Variants in DYNC2H1 observed in about 807,000 individuals in gnomAD.
DYNC2H1 encodes the protein cytoplasmic dynein 2 heavy chain 1.
Under a neutral mutation model 570.0 loss-of-function variants are expected in DYNC2H1, and 410 were observed. The ratio of observed to expected loss-of-function variants is 0.72; its 90% CI spans 0.66 to 0.78. The LOEUF is 0.78. DYNC2H1 is among the 30% of genes least tolerant of loss of function. The probability of loss-of-function intolerance (pLI) is 0.00; values close to 1 mark genes in which losing one functional copy is unlikely to be tolerated. For synonymous variants in DYNC2H1, 1,688 were observed against 1,677.6 expected, an observed-to-expected ratio of 1.01 and a Z score of -0.15; for missense variants, 4,865 against 5,046.4, an observed-to-expected ratio of 0.96 and a Z score of 1.09.
chr11:103,365,466 A>C (rs1483623666), intron 83 of DYNC2H1, among the ~76,000 whole-genome samples: 1 of 152,226 alleles, frequency 6.6e-6, no homozygotes, highest in Non-Finnish European at 1.5e-5. Flanking sequence ...TTGTAACTTT[A>C]ATTCCTATTG....
chr11:103,362,341 T>C (rs1292503811), intron 83 of DYNC2H1, among the ~76,000 whole-genome samples: 3 of 146,000 alleles, frequency 2.1e-5, no homozygotes, highest in African/African-American at 7.5e-5. Flanking sequence ...TTCTTTTTTT[T>C]TTTTTTTTAG....
In DYNC2H1 at chr11:103,174,138, G is replaced by A. The variant is rs199541807; in HGVS notation, c.5642G>A (p.Arg1881Lys). 309 of 1,584,412 alleles carry A rather than the reference G, an allele frequency of 2.0e-4. No homozygotes were observed. The highest frequency in any genetic ancestry group is 2.4e-4 in the Non-Finnish European group (284 of 1,163,752). ...TVLRGSGNLL[R>K]QLNKSGTTQN... Reference sequence around the variant, plus strand: ...CTGAGAGGAAGTGGAAATCTCCTTAGACAGCTAAACAAAAGTGGCACTACA... The same window carrying A: ...CTGAGAGGAAGTGGAAATCTCCTTAAACAGCTAAACAAAAGTGGCACTACA... The change falls in exon 36 of 89, where the codon AGA becomes AAA. Residue 1881 changes from arginine to lysine, a missense_variant. Arg to Lys is a conservative substitution (Grantham distance 26). This residue lies in a region of DYNC2H1 where 292 missense variants were observed against 300.2 expected (regional missense o/e 0.97). Transcript: ENST00000375735.
At chr11:103,272,572 TTAAA>T (rs538001139) in intron 70 of DYNC2H1, among the ~76,000 whole-genome samples, 2 of 152,064 alleles carry the variant, frequency 1.3e-5, no homozygotes, top group East Asian at 1.9e-4. Flanking sequence ...TAAAGTATAA[TTAAA>T]TAAATAAATA....
intron 74 of DYNC2H1, among the ~76,000 whole-genome samples, chr11:103,286,977 G>C (rs575824134): frequency 6.6e-6 from 1 of 152,184 alleles, no homozygotes; most frequent in African/African-American, 2.4e-5. Context: ...AAATTGATTT[G>C]AAAACTTAAA....
intron 78 of DYNC2H1, among the ~76,000 whole-genome samples, chr11:103,308,076 A>T (rs1191835702): frequency 6.6e-6 from 1 of 151,594 alleles, no homozygotes. Context: ...TGCTATCGTA[A>T]CAATTTTTAA....
intron 48 of DYNC2H1, among the ~76,000 whole-genome samples, chr11:103,198,336 G>C (rs1862582052): frequency 6.6e-6 from 1 of 152,164 alleles, no homozygotes; most frequent in Non-Finnish European, 1.5e-5. Flanking sequence ...CTCTGGAGCA[G>C]TGGTTGTCAA....
At chr11:103,443,017 A>G (rs1427969978) in intron 85 of DYNC2H1, among the ~76,000 whole-genome samples, 1 of 151,380 alleles carries the variant, frequency 6.6e-6, no homozygotes, top group African/African-American at 2.4e-5. Context: ...TTGTTTGAAC[A>G]TACGTTATTA....
At chr11:103,322,915 G>T (rs933549012) in intron 81 of DYNC2H1, among the ~76,000 whole-genome samples, 6 of 152,144 alleles carry the variant, frequency 3.9e-5, no homozygotes, top group Non-Finnish European at 8.8e-5. Context: ...ATACCTTGAG[G>T]AAGTTTACAA....
At chr11:103,160,126 A>G (rs1861025882) in intron 28 of DYNC2H1, among the ~76,000 whole-genome samples, 1 of 152,076 alleles carries the variant, frequency 6.6e-6, no homozygotes, top group Non-Finnish European at 1.5e-5. Context: ...TTATTCAACC[A>G]ATTTCTCTAT....
Position 103,171,041 on chromosome 11 carries a change from A to T in DYNC2H1, c.5307A>T (p.Arg1769Ser), listed in dbSNP as rs756951909. 1 of 1,610,186 alleles carries T rather than the reference A, an allele frequency of 6.2e-7. No homozygotes were observed. The highest frequency in any genetic ancestry group is 1.3e-5 in the African/African-American group (1 of 74,878). ...TTCAAGATGCTTTGAAGAATCATAGAACTGTATGTGAACTGCTTGGCAAGG... is the reference window on the plus strand; with the variant it reads ...TTCAAGATGCTTTGAAGAATCATAGTACTGTATGTGAACTGCTTGGCAAGG... The part of the protein sequence containing the change: ...QTIQDALKNH[R>S]TVCELLGKEV... The change falls in exon 34 of 89, where the codon AGA (arginine) becomes AGT (serine). Residue 1769 changes from arginine (R) to serine (S), a missense_variant. Physicochemically the swap from Arg to Ser is moderately radical, Grantham distance 110. This residue lies in a region of DYNC2H1 where 292 missense variants were observed against 300.2 expected (regional missense o/e 0.97). Transcript: ENST00000375735.
intron 83 of DYNC2H1, among the ~76,000 whole-genome samples, chr11:103,399,327 T>TTG (rs55702463): frequency 0.46 from 62,449 of 135,916 alleles, 14,484 homozygotes; most frequent in African/African-American, 0.52. Context: ...TTTTTTTTTT[T>TTG]GTATTTTTAG....
At position 103,197,877 on chromosome 11, in the gene DYNC2H1, T is replaced by C. The variant is rs1319990040; in HGVS notation, c.7709-56T>C. The C allele has an allele frequency of 6.6e-6, 10 of 1,521,024 alleles. No homozygotes were observed. In the African/African-American group the frequency reaches 1.4e-4, roughly 21 times the overall value. 94.2% of individuals were successfully genotyped at this position (1,521,024 alleles called of 1,614,324 possible). ...AATGTTTTAGTAGGCAATGTATTTG[T>C]TGAACTCTCATTACGAGTAATGCAT... On this transcript the variant is annotated intron_variant, in intron 47 of 88. Coordinates refer to ENST00000375735, the MANE Select transcript of DYNC2H1 (RefSeq NM_001377.3).
intron 18 of DYNC2H1, among the ~76,000 whole-genome samples, chr11:103,146,607 T>C (rs1565340928): frequency 6.6e-6 from 1 of 152,154 alleles, no homozygotes; most frequent in Non-Finnish European, 1.5e-5. Flanking sequence ...TGTTTTTTTG[T>C]TTGTTTATTT....
chr11:103,134,814 G>A (rs2134776171), intron 15 of DYNC2H1, among the ~76,000 whole-genome samples: 1 of 152,006 alleles, frequency 6.6e-6, no homozygotes, highest in Admixed American at 6.6e-5. Flanking sequence ...CTTTTTGGAG[G>A]TAAAATTTGA....
chr11:103,204,248 C>T lies in DYNC2H1; in HGVS notation c.8311+472C>T, dbSNP rs12274481. Reference sequence around the variant, plus strand: ...CAATCATGTCCCACCAGGTTCCTCCCGCAACACGTGGGGATTATGGGAGCT... The same window carrying T: ...CAATCATGTCCCACCAGGTTCCTCCTGCAACACGTGGGGATTATGGGAGCT... On this transcript the variant is annotated intron_variant, in intron 51 of 88. Transcript: ENST00000375735. This position sits in a 1 kb window ranked among gnomAD's most constrained non-coding sequence, Gnocchi z 4.1. 0.086 allele frequency among the ~76,000 whole-genome samples: 13,145 copies of T among 152,132 alleles called. 1,916 individuals are homozygous for T. Among genetic ancestry groups the T allele is most frequent in the African/African-American group, 0.3 (12,409 of 41,460 alleles).
At position 103,413,268 on chromosome 11, in the gene DYNC2H1, T is replaced by C. The variant is rs6591020; in HGVS notation, c.12366+13396T>C. On this transcript the variant is annotated intron_variant, in intron 84 of 88. Transcript: ENST00000375735. Reference sequence around the variant, plus strand: ...TAAAAGCCTATTTTTATTGTTTACTTGCCTGCAAATTAGTTCTTAGGAAAG... The same window carrying C: ...TAAAAGCCTATTTTTATTGTTTACTCGCCTGCAAATTAGTTCTTAGGAAAG... Among the ~76,000 whole-genome samples the C allele has an allele frequency of 1.8e-3, 275 of 152,350 alleles. 1 individual carries two copies. Among genetic ancestry groups the C allele is most frequent in the African/African-American group, 6.3e-3 (263 of 41,590 alleles).
chr11:103,417,042 G>A (rs1565580962), intron 84 of DYNC2H1, among the ~76,000 whole-genome samples: 2 of 152,112 alleles, frequency 1.3e-5, no homozygotes, highest in African/African-American at 4.8e-5. Context: ...ATCATCACTG[G>A]TCATTAAGGA....
intron 65 of DYNC2H1, among the ~76,000 whole-genome samples, chr11:103,246,356 A>G (rs1383363316): frequency 2.0e-5 from 3 of 151,970 alleles, no homozygotes; most frequent in Admixed American, 2.0e-4. Flanking sequence ...TCAATTTGCC[A>G]TTCTTCATTC....
At chr11:103,470,865 G>A (rs540662896) in intron 88 of DYNC2H1, among the ~76,000 whole-genome samples, 13 of 152,226 alleles carry the variant, frequency 8.5e-5, no homozygotes, top group East Asian at 1.9e-4. Context: ...CAATAGTGCC[G>A]CTATAAACAT....
Sources: allele counts gnomAD v4.1 joint callset (sites outside exome capture counted in the v4.1 genomes callset), GRCh38; gene constraint gnomAD v4.1.1; regional missense constraint gnomAD v4.1.1; non-coding constraint Gnocchi (gnomAD v3.1); transcripts MANE v1.5; gene names NCBI Gene and HGNC (gene_info 2026-07-23, HGNC 2026-07-21).